The following FOXP1 variants were observed in gnomAD, a reference collection of about 807,000 sequenced individuals.
FOXP1 encodes forkhead box P1, also known as forkhead box protein P1.
In FOXP1, 15 loss-of-function variants were observed where a neutral mutation model predicts 98.2. That is an observed-to-expected ratio of 0.15 (90% CI 0.10 to 0.24). The LOEUF is 0.24. Ranked by LOEUF, FOXP1 falls within the 10% of genes least tolerant of loss-of-function variation. The probability of loss-of-function intolerance (pLI) is 1.00; values close to 1 mark genes in which losing one functional copy is unlikely to be tolerated. For missense variants in FOXP1, 633 were observed against 848.5 expected, an observed-to-expected ratio of 0.75 and a Z score of 3.15; for synonymous variants, 371 against 314.5, an observed-to-expected ratio of 1.18 and a Z score of -1.90.
chr3:71,115,844 C>A (rs149439920), intron 6 of FOXP1, among the ~76,000 whole-genome samples: 1 of 149,400 alleles, frequency 6.7e-6, no homozygotes, highest in Non-Finnish European at 1.5e-5. Flanking sequence ...TCAAGCAATT[C>A]TCCTGCCCAA....
At chr3:71,583,853 G>A (rs933910512), upstream of FOXP1, 5 of 986,092 alleles carry the variant, frequency 5.1e-6, no homozygotes, top group Non-Finnish European at 6.0e-6. Context: ...CGGCCCGGGG[G>A]CGCACCCCGG....
intron 4 of FOXP1, 62 bp downstream of exon 4, chr3:71,359,088 C>A (rs1391657443): frequency 6.6e-6 from 1 of 152,104 alleles, no homozygotes; most frequent in Non-Finnish European, 1.5e-5. Context: ...CCACTGGGTC[C>A]CCCGCAAAGG....
At chr3:71,130,748 G>A (rs2059524998) in intron 6 of FOXP1, 3 of 1,458,320 alleles carry the variant, frequency 2.1e-6, no homozygotes, top group Non-Finnish European at 2.7e-6. Flanking sequence ...CTCACTAAAT[G>A]ACAAAGAAAC....
At chr3:71,272,924 C>G (rs1216141030) in intron 5 of FOXP1, among the ~76,000 whole-genome samples, 1 of 152,142 alleles carries the variant, frequency 6.6e-6, no homozygotes, top group African/African-American at 2.4e-5. Flanking sequence ...CCATGGTCTT[C>G]CATGGTTTGG....
At chr3:71,058,715 A>G (rs1020223448) in intron 7 of FOXP1, among the ~76,000 whole-genome samples, 2 of 152,130 alleles carry the variant, frequency 1.3e-5, no homozygotes, top group African/African-American at 4.8e-5. Flanking sequence ...ACAAGTTTTC[A>G]TAATTAACAA....
At chr3:71,402,280 C>T (rs1185719678) in intron 3 of FOXP1, among the ~76,000 whole-genome samples, 2 of 152,128 alleles carry the variant, frequency 1.3e-5, no homozygotes, top group Admixed American at 6.5e-5. Context: ...CATGGCAAAA[C>T]CCCATCTCTA....
At chr3:71,338,664 C>T (rs957363551) in intron 4 of FOXP1, among the ~76,000 whole-genome samples, 2 of 152,078 alleles carry the variant, frequency 1.3e-5, no homozygotes, top group African/African-American at 2.4e-5. Context: ...CTCCTGAACC[C>T]GCCTCGGCCT....
At chr3:71,400,545 A>T (rs913988083) in intron 3 of FOXP1, among the ~76,000 whole-genome samples, 1 of 152,030 alleles carries the variant, frequency 6.6e-6, no homozygotes, top group African/African-American at 2.4e-5. Flanking sequence ...TTTAGTAGAG[A>T]TGGTGTTTCA....
At chr3:70,996,685 G>A (rs1379959040) in intron 13 of FOXP1, among the ~76,000 whole-genome samples, 1 of 152,142 alleles carries the variant, frequency 6.6e-6, no homozygotes, top group Non-Finnish European at 1.5e-5. Context: ...TACAGCTACT[G>A]TGCCCTCTGA....
At chr3:71,465,244 T>C (rs1432307777) in intron 3 of FOXP1, among the ~76,000 whole-genome samples, 3 of 146,782 alleles carry the variant, frequency 2.0e-5, no homozygotes, top group Non-Finnish European at 4.5e-5. Context: ...GAGGCAGAGA[T>C]TGTGGTGAGC....
At chr3:71,348,060 A>G (rs1488119954) in intron 4 of FOXP1, among the ~76,000 whole-genome samples, 1 of 152,196 alleles carries the variant, frequency 6.6e-6, no homozygotes, top group African/African-American at 2.4e-5. Flanking sequence ...GAGATTAATG[A>G]TAACAAATAA....
chr3:71,201,596 G>C (rs1165517725), intron 5 of FOXP1, among the ~76,000 whole-genome samples: 1 of 151,804 alleles, frequency 6.6e-6, no homozygotes, highest in African/African-American at 2.4e-5. Context: ...GCAGTGAGCA[G>C]ACAGCATGCA....
chr3:70,972,575 T>C lies in FOXP1; in HGVS notation c.1632A>G (p.Arg544=). The C allele has an allele frequency of 6.2e-7, 1 of 1,614,246 alleles. No individual in the cohort carries two copies. Among genetic ancestry groups the C allele is most frequent in the Non-Finnish European group, 8.5e-7 (1 of 1,180,040 alleles). ...CGTACCCACTGATCTTTTGTGGCCT[T>C]CGTTTTTGGAATTCTACTTCATCCA... The part of the protein sequence containing the change: ...WTVDEVEFQK[R]RPQKISGNPS... Residue 544 remains arginine (R), a synonymous_variant, in exon 18 of 21, where the codon CGA becomes CGG. Transcript: ENST00000649528.
At chr3:71,545,693 C>G (rs2045302009) in intron 2 of FOXP1, among the ~76,000 whole-genome samples, 1 of 152,136 alleles carries the variant, frequency 6.6e-6, no homozygotes, top group South Asian at 2.1e-4. Flanking sequence ...CTATATATAT[C>G]GTTTTCGCAA....
At chr3:70,960,243 G>T (rs563661408) in intron 20 of FOXP1, among the ~76,000 whole-genome samples, 9 of 152,302 alleles carry the variant, frequency 5.9e-5, no homozygotes, top group African/African-American at 2.2e-4. Context: ...CAAACGTAGA[G>T]GAAAAGGCTC....
intron 5 of FOXP1, among the ~76,000 whole-genome samples, chr3:71,207,762 C>G (rs1228686972): frequency 6.6e-6 from 1 of 152,040 alleles, no homozygotes; most frequent in African/African-American, 2.4e-5. Flanking sequence ...TGATATGATG[C>G]GAGCTGAGAG....
intron 3 of FOXP1, among the ~76,000 whole-genome samples, chr3:71,412,166 A>G (rs2082801536): frequency 6.6e-6 from 1 of 152,212 alleles, no homozygotes; most frequent in African/African-American, 2.4e-5. Context: ...TAAGAGGGAC[A>G]GGTCGCATGG....
intron 6 of FOXP1, among the ~76,000 whole-genome samples, chr3:71,174,252 A>G (rs1287959618): frequency 1.3e-5 from 2 of 152,144 alleles, no homozygotes; most frequent in Non-Finnish European, 2.9e-5. Context: ...GGGGGGAAAA[A>G]CCCACTTCCC....
chr3:70,959,689 T>C (rs1476513338), intron 20 of FOXP1, among the ~76,000 whole-genome samples: 1 of 152,214 alleles, frequency 6.6e-6, no homozygotes, highest in African/African-American at 2.4e-5. Context: ...TAAAGTTCTC[T>C]TGGGTAGTGA....
Sources: allele counts gnomAD v4.1 joint callset (sites outside exome capture counted in the v4.1 genomes callset), GRCh38; gene constraint gnomAD v4.1.1; transcripts MANE v1.5; gene names NCBI Gene and HGNC (gene_info 2026-07-23, HGNC 2026-07-21).